IMPG2: variants seen among roughly 807,000 people sequenced by gnomAD.
The protein encoded by IMPG2 is interphotoreceptor matrix proteoglycan 2, also known as IPM 200.
A neutral mutation model predicts 129.2 loss-of-function variants in IMPG2; 91 were observed. The ratio of observed to expected loss-of-function variants is 0.70; its 90% CI spans 0.59 to 0.84. IMPG2 has a LOEUF of 0.84. IMPG2 is among the 40% of genes least tolerant of loss of function. The probability of loss-of-function intolerance (pLI) is 0.00; values close to 1 mark genes in which losing one functional copy is unlikely to be tolerated. For missense variants in IMPG2, 1,430 were observed against 1,461.7 expected (o/e 0.98, Z 0.35); for synonymous variants, 510 against 517.7 (o/e 0.99, Z 0.20).
intron 14 of IMPG2, 102 bp downstream of exon 14, chr3:101,242,586 T>C (rs1188620435): frequency 6.8e-6 from 6 of 888,768 alleles, no homozygotes; most frequent in African/African-American, 3.3e-5. Context: ...GTACTCTTTT[T>C]TCCTGCAAGT....
rs1364655274 is a variant in IMPG2 at position 101,304,147 on chromosome 3, T to A, written c.500A>T (p.Lys167Met). The A allele has an allele frequency of 6.2e-7, 1 of 1,613,606 alleles. No individual in the cohort carries two copies. Among genetic ancestry groups the A allele is most frequent in the Non-Finnish European group, 8.5e-7 (1 of 1,179,670 alleles). ...CCCTTCCTTTGTTGTGACACTTACC[T>A]TCATGATTAAGCTTCTATGTTCCAC... is the stretch of plus-strand genomic sequence containing the variant. Reference protein sequence around the residue: ...ESVEHRSLIMKKLTYAKETVS... With the variant: ...ESVEHRSLIMMKLTYAKETVS... Residue 167 changes from lysine (K) to methionine (M), a missense_variant and splice_region_variant, in exon 3 of 19, where the codon AAG becomes ATG. Lys to Met is a moderately conservative substitution (Grantham distance 95). Transcript: ENST00000193391.
In IMPG2 at chr3:101,243,811, T is replaced by C. The variant is rs369587849; in HGVS notation, c.2520A>G (p.Leu840=). The part of the protein sequence containing the change: ...EVIMGVQDIS[L]ELDRIGTDYY... ...AATCTGTGCCTATCCGGTCCAGTTC[T>C]AACGAAATATCCTGTACACCCATAA... is the stretch of plus-strand genomic sequence containing the variant. Residue 840 remains leucine (L), a synonymous_variant, in exon 13 of 19, where the codon TTA becomes TTG. Transcript: ENST00000193391. 21 of 1,614,100 alleles carry C rather than the reference T, an allele frequency of 1.3e-5. No homozygotes were observed. In the African/African-American group the frequency reaches 1.9e-4, roughly 14 times the overall value.
intron 3 of IMPG2, among the ~76,000 whole-genome samples, chr3:101,295,136 C>T (rs369507284): frequency 6.6e-6 from 1 of 152,068 alleles, no homozygotes; most frequent in Non-Finnish European, 1.5e-5. Context: ...TTAGCATTTT[C>T]GTCATGAAGT....
chr3:101,228,774 G>A (rs776606279), intron 18 of IMPG2, 23 bp downstream of exon 18: 2 of 1,586,136 alleles, frequency 1.3e-6, no homozygotes, highest in African/African-American at 2.7e-5. Context: ...AGGTCGGGGT[G>A]GGGGGCTGTT....
chr3:101,261,051 C>G (rs536331818), intron 9 of IMPG2, among the ~76,000 whole-genome samples: 1 of 152,054 alleles, frequency 6.6e-6, no homozygotes, highest in Non-Finnish European at 1.5e-5. Flanking sequence ...CCCTAAAGAA[C>G]GTTCGTATTA....
At chr3:101,312,125 G>C (rs549483681) in intron 2 of IMPG2, among the ~76,000 whole-genome samples, 3 of 152,120 alleles carry the variant, frequency 2.0e-5, no homozygotes, top group Non-Finnish European at 4.4e-5. Context: ...TATGACCTCA[G>C]GTTCAGCAAT....
intron 14 of IMPG2, among the ~76,000 whole-genome samples, chr3:101,240,996 C>A (rs956240905): frequency 2.0e-5 from 3 of 152,174 alleles, no homozygotes; most frequent in African/African-American, 7.2e-5. Flanking sequence ...TTCTCTGCAT[C>A]CAAGGCTTCC....
At position 101,243,857 on chromosome 3, in the gene IMPG2, G is replaced by T; in HGVS notation, c.2474C>A (p.Thr825Asn). ...CATAATTACTTCATCCTCTAGCAGGGTGGAGATTGTGGTTGGAGGCAATTT... is the reference window on the plus strand; with the variant it reads ...CATAATTACTTCATCCTCTAGCAGGTTGGAGATTGTGGTTGGAGGCAATTT... ...STKLPPTTIS[T>N]LLEDEVIMGV... is the part of the protein sequence containing the mutation. Residue 825 changes from threonine to asparagine, a missense_variant, in exon 13 of 19, where the codon ACC becomes AAC. By Grantham distance (65) the Thr-to-Asn change is moderately conservative (BLOSUM62 0). Transcript: ENST00000193391. 1.2e-6 allele frequency: 2 copies of T among 1,614,158 alleles called. No individual in the cohort carries two copies. The highest frequency in any genetic ancestry group is 1.7e-6 in the Non-Finnish European group (2 of 1,179,998).
intron 3 of IMPG2, among the ~76,000 whole-genome samples, chr3:101,294,512 T>C (rs898939043): frequency 6.6e-6 from 1 of 152,228 alleles, no homozygotes; most frequent in African/African-American, 2.4e-5. Flanking sequence ...TTTGGATTGG[T>C]TCCATGTCTT....
At chr3:101,283,305 G>A (rs553973157) in intron 4 of IMPG2, among the ~76,000 whole-genome samples, 3 of 151,978 alleles carry the variant, frequency 2.0e-5, no homozygotes, top group South Asian at 4.2e-4. Flanking sequence ...GATTACAGGC[G>A]TTGAGCCACC....
Position 101,244,452 on chromosome 3 carries a change from G to T in IMPG2, c.1879C>A (p.Pro627Thr), listed in dbSNP as rs1706451084. 6.2e-7 allele frequency: 1 copy of T among 1,614,032 alleles called. No homozygotes were observed. The highest frequency in any genetic ancestry group is 1.3e-5 in the African/African-American group (1 of 74,938). The change falls in exon 13 of 19, where the codon CCA becomes ACA. Residue 627 changes from proline (P) to threonine (T), a missense_variant. Physicochemically the swap from Pro to Thr is conservative, Grantham distance 38 (BLOSUM62 -1). Coordinates refer to ENST00000193391, the MANE Select transcript of IMPG2 (RefSeq NM_016247.4). ...SETSSEKSAE[P>T]LSKPWLEDDD... ...TCTTCAAGCCACGGCTTGGACAGTGGTTCAGCGCTCTTCTCTGATGAAGTC... is the reference window on the plus strand; with the variant it reads ...TCTTCAAGCCACGGCTTGGACAGTGTTTCAGCGCTCTTCTCTGATGAAGTC...
chr3:101,227,797 TC>T, intron 18 of IMPG2: 1 of 456,246 alleles, frequency 2.2e-6, no homozygotes, highest in Non-Finnish European at 4.4e-6. Context: ...AAAGCACCTT[TC>T]TCAGTTTCCT....
intron 3 of IMPG2, among the ~76,000 whole-genome samples, chr3:101,298,252 G>T (rs918463213): frequency 6.6e-6 from 1 of 151,440 alleles, no homozygotes; most frequent in Non-Finnish European, 1.5e-5. Flanking sequence ...CATTTGCTTG[G>T]TAAATTTTCC....
chr3:101,275,729 A>G lies in IMPG2; in HGVS notation c.600T>C (p.Val200=). 6.2e-7 allele frequency: 1 copy of G among 1,613,854 alleles called. No homozygotes were observed. Among genetic ancestry groups the G allele is most frequent in the East Asian group, 2.2e-5 (1 of 44,882 alleles). ...CATAGGCGTCCACCTCTGGATGTGGAACACTGAGAGTAGTGTCTAAGAAGA... is the reference window on the plus strand; with the variant it reads ...CATAGGCGTCCACCTCTGGATGTGGGACACTGAGAGTAGTGTCTAAGAAGA... ...TSTLGDTTLS[V]PHPEVDAYEG... The change falls in exon 6 of 19, where the codon GTT becomes GTC. Residue 200 remains valine, a synonymous_variant. Transcript: ENST00000193391.
rs572603414 is a variant in IMPG2 at position 101,263,872 on chromosome 3, A to G, written c.908+3639T>C. 3.1e-4 allele frequency among the ~76,000 whole-genome samples: 47 copies of G among 151,610 alleles called. No individual in the cohort carries two copies. The South Asian group carries it at 4.2e-3, about 13-fold the overall frequency. On this transcript the variant is annotated intron_variant, in intron 9 of 18. Coordinates refer to ENST00000193391, the MANE Select transcript of IMPG2 (RefSeq NM_016247.4). ...TCTACAGATTCAAAAAAAAAAAAAAAAGAGAGGACCCAAATAAAATCAGAA... is the reference window on the plus strand; with the variant it reads ...TCTACAGATTCAAAAAAAAAAAAAAGAGAGAGGACCCAAATAAAATCAGAA...
chr3:101,292,774 C>T (rs1707033766), intron 3 of IMPG2, among the ~76,000 whole-genome samples: 1 of 152,198 alleles, frequency 6.6e-6, no homozygotes, highest in Non-Finnish European at 1.5e-5. Context: ...AATCCTGTCA[C>T]TTCTTTATCA....
chr3:101,264,831 T>G (rs1202319944), intron 9 of IMPG2, among the ~76,000 whole-genome samples: 1 of 152,050 alleles, frequency 6.6e-6, no homozygotes, highest in Non-Finnish European at 1.5e-5. Flanking sequence ...CTCCTAGATT[T>G]AATGAATGAA....
chr3:101,296,296 G>T (rs1707079326), intron 3 of IMPG2, among the ~76,000 whole-genome samples: 1 of 152,138 alleles, frequency 6.6e-6, no homozygotes, highest in Non-Finnish European at 1.5e-5. Flanking sequence ...TTTGTCGAAG[G>T]CCTTTTCTGC....
At position 101,229,442 on chromosome 3, in the gene IMPG2, T is replaced by C; in HGVS notation, c.3571A>G (p.Ile1191Val). 2 of 1,612,584 alleles carry C rather than the reference T, an allele frequency of 1.2e-6. No individual in the cohort carries two copies. Among genetic ancestry groups the C allele is most frequent in the Non-Finnish European group, 1.7e-6 (2 of 1,179,898 alleles). Residue 1191 changes from isoleucine (I) to valine (V), a missense_variant, in exon 17 of 19, where the codon ATT (isoleucine) becomes GTT (valine). By Grantham distance (29) the Ile-to-Val change is conservative. Coordinates refer to ENST00000193391, the MANE Select transcript of IMPG2 (RefSeq NM_016247.4). ...ATTTCTTCTCTGCTCAGCCCACCAA[T>C]CACGTCTCCGCTAGCAGAGCTGTAG... ...PFYSSASGDV[I>V]GGLSREEIRQ...
Sources: allele counts gnomAD v4.1 joint callset (sites outside exome capture counted in the v4.1 genomes callset), GRCh38; gene constraint gnomAD v4.1.1; transcripts MANE v1.5; gene names NCBI Gene and HGNC (gene_info 2026-07-23, HGNC 2026-07-21).